RYR1: variants seen among roughly 807,000 people sequenced by gnomAD.
The protein encoded by RYR1 is central core disease of muscle.
A neutral mutation model predicts 583.5 loss-of-function variants in RYR1; 342 were observed. The observed-to-expected ratio is 0.59, with a 90% CI of 0.54 to 0.64. RYR1 has a LOEUF of 0.64. Among genes scored for constraint, RYR1 ranks in the 30% least tolerant of loss-of-function variants. The probability of loss-of-function intolerance (pLI) is 0.00; values close to 1 mark genes in which losing one functional copy is unlikely to be tolerated. For synonymous variants in RYR1, 2,791 were observed against 2,822.5 expected (o/e 0.99, Z 0.35); for missense variants, 6,032 against 6,917.2 (o/e 0.87, Z 4.54).
chr19:38,436,769 C>T (rs950037184), intron 1 of RYR1, among the ~76,000 whole-genome samples: 5 of 152,052 alleles, frequency 3.3e-5, no homozygotes, highest in South Asian at 2.1e-4. Flanking sequence ...ATGATGGGCA[C>T]GCTGTGATTT....
Position 38,525,357 on chromosome 19 carries a change from C to T in RYR1, c.10481C>T (p.Thr3494Ile). The change falls in exon 71 of 106, where the codon ACC becomes ATC. Residue 3494 changes from threonine (T) to isoleucine (I), a missense_variant. Physicochemically the swap from Thr to Ile is moderately conservative, Grantham distance 89 (BLOSUM62 -1). Around this residue, in one of 11 missense-constraint regions of RYR1, gnomAD observed 1,493 missense variants for 1,715.5 expected, o/e 0.87. Transcript: ENST00000359596. ...IQSGGSDQER[T>I]KKKRRGDRYS... ...TCCGGTGGCTCGGACCAGGAACGCA[C>T]CAAGAAGAAGCGCCGGGGGGACCGG... 1.2e-6 allele frequency: 2 copies of T among 1,613,940 alleles called. No individual in the cohort carries two copies. The highest frequency in any genetic ancestry group is 1.7e-6 in the Non-Finnish European group (2 of 1,179,958).
At position 38,500,937 on chromosome 19, in the gene RYR1, G is replaced by A. The variant is rs755128630; in HGVS notation, c.7561G>A (p.Val2521Met). 27 of 1,613,920 alleles carry A rather than the reference G, an allele frequency of 1.7e-5. No homozygotes were observed. The highest frequency in any genetic ancestry group is 1.3e-4 in the East Asian group (6 of 44,892). ...CGAGAACCAGGACTTCTTGCTGCAC[G>A]TGCTGGACGTGGGGTTCCTGCCCGA... Reference protein sequence around the residue: ...GIENQDFLLHVLDVGFLPDMR... With the variant: ...GIENQDFLLHMLDVGFLPDMR... Residue 2521 changes from valine to methionine, a missense_variant, in exon 47 of 106, where the codon GTG becomes ATG. Transcript: ENST00000359596. This position sits in a 1 kb window ranked among gnomAD's most constrained non-coding sequence, Gnocchi z 5.9.
intron 33 of RYR1, among the ~76,000 whole-genome samples, 160 bp from the exon 34 acceptor site, chr19:38,485,430 C>T (rs566333290): frequency 2.6e-5 from 4 of 152,296 alleles, no homozygotes; most frequent in African/African-American, 9.6e-5. Context: ...CATCTTCTCC[C>T]AGGATGGGTG....
chr19:38,585,194 C>A, intron 102 of RYR1, 95 bp downstream of exon 102: 2 of 1,419,550 alleles, frequency 1.4e-6, no homozygotes, highest in Non-Finnish European at 1.9e-6. Context: ...CATTCATACC[C>A]CATCTCTACC....
At chr19:38,525,198 T>G in intron 70 of RYR1, 134 bp from the exon 71 acceptor site, 1 of 974,228 alleles carries the variant, frequency 1.0e-6, no homozygotes, top group Non-Finnish European at 1.6e-6. Context: ...GGGTGGAAAT[T>G]GAGGTGTCGT....
intron 58 of RYR1, among the ~76,000 whole-genome samples, chr19:38,509,753 G>A (rs1180576450): frequency 2.0e-5 from 3 of 151,002 alleles, no homozygotes; most frequent in African/African-American, 4.8e-5. Context: ...CACTGCGCCC[G>A]GCCCAGTATT....
In RYR1 at chr19:38,572,283, C is replaced by G; in HGVS notation, c.13998+13C>G. On this transcript the variant is annotated intron_variant, in intron 95 of 105. Transcript: ENST00000359596. ...TAATTGTCTCAAGGTGGGCCCATGG[C>G]CATGGTTCTGGGGCAAGGGCTTATT... 6.9e-7 allele frequency: 1 copy of G among 1,443,666 alleles called. No homozygotes were observed. The highest frequency in any genetic ancestry group is 2.0e-4 in the Middle Eastern group (1 of 5,012). 89.4% of individuals were successfully genotyped at this position (1,443,666 alleles called of 1,614,324 possible).
intron 31 of RYR1, among the ~76,000 whole-genome samples, chr19:38,481,271 C>CA (rs763902368): frequency 6.6e-6 from 1 of 152,050 alleles, no homozygotes; most frequent in Non-Finnish European, 1.5e-5. Context: ...GGACCACAGA[C>CA]ACGCACTACC....
At position 38,499,058 on chromosome 19, in the gene RYR1, G is replaced by C; in HGVS notation, c.6892-50G>C. On this transcript the variant is annotated intron_variant, in intron 42 of 105. Coordinates refer to ENST00000359596, the MANE Select transcript of RYR1 (RefSeq NM_000540.3). The surrounding 1 kb of genome is among the most constrained non-coding windows in gnomAD (Gnocchi z 7.3). Reference sequence around the variant, plus strand: ...GGCAGGGCAGAGGGCTGAGCCCCAGGAGGAAGGTGGCATGGGTCTGGTCTC... The same window carrying C: ...GGCAGGGCAGAGGGCTGAGCCCCAGCAGGAAGGTGGCATGGGTCTGGTCTC... 6.2e-7 allele frequency: 1 copy of C among 1,608,816 alleles called. No individual in the cohort carries two copies. The highest frequency in any genetic ancestry group is 8.5e-7 in the Non-Finnish European group (1 of 1,176,914).
Position 38,515,299 on chromosome 19 carries a change from C to G in RYR1, c.9554+192C>G, listed in dbSNP as rs924811166. On this transcript the variant is annotated intron_variant, in intron 64 of 105. Transcript: ENST00000359596. Reference sequence around the variant, plus strand: ...AGGTCAGCCACGGAGGTAGAGCCGCCAGGTCTGGGGCTGTGAAGCAGGCAG... The same window carrying G: ...AGGTCAGCCACGGAGGTAGAGCCGCGAGGTCTGGGGCTGTGAAGCAGGCAG... Among the ~76,000 whole-genome samples, 4 of 152,136 alleles carry G rather than the reference C, an allele frequency of 2.6e-5. No individual in the cohort carries two copies. In the East Asian group the frequency reaches 7.7e-4, roughly 29 times the overall value.
In RYR1 at chr19:38,496,370, GCCACAGAGGGCAGGC is replaced by G; in HGVS notation, c.6664-36_6664-22del. 1 of 1,613,768 alleles carries G rather than the reference GCCACAGAGGGCAGGC, an allele frequency of 6.2e-7. No homozygotes were observed. The highest frequency in any genetic ancestry group is 1.1e-5 in the South Asian group (1 of 91,090). ...GGTGCTGGGGAGCTCAGGGGAGGCA[GCCACAGAGGGCAGGC>G]CCTGACCACCCTGCCTGTCCCAGGA... On this transcript the variant is annotated intron_variant, in intron 40 of 105. Transcript: ENST00000359596. This position sits in a 1 kb window ranked among gnomAD's most constrained non-coding sequence, Gnocchi z 4.8.
chr19:38,543,935 C>A lies in RYR1; in HGVS notation c.12012+60C>A. 6.6e-7 allele frequency: 1 copy of A among 1,507,108 alleles called. No individual in the cohort carries two copies. Among genetic ancestry groups the A allele is most frequent in the Non-Finnish European group, 9.1e-7 (1 of 1,100,462 alleles). 93.4% of individuals were successfully genotyped at this position (1,507,108 alleles called of 1,614,324 possible). A position where few individuals can be genotyped will look rare whatever the true frequency, so the allele number is the denominator to read the frequency against. ...CGGGCGTCCCCCAAGTGGTCCATTT[C>A]CAAGTCTTGCCCCTTTGGTCAGTTT... On this transcript the variant is annotated intron_variant, in intron 87 of 105. Coordinates refer to ENST00000359596, the MANE Select transcript of RYR1 (RefSeq NM_000540.3). This position sits in a 1 kb window ranked among gnomAD's most constrained non-coding sequence, Gnocchi z 4.4.
At position 38,543,747 on chromosome 19, in the gene RYR1, C is replaced by A. The variant is rs76698386; in HGVS notation, c.11908-24C>A. 4 of 1,611,692 alleles carry A rather than the reference C, an allele frequency of 2.5e-6. No individual in the cohort carries two copies. Among genetic ancestry groups the A allele is most frequent in the Admixed American group, 1.7e-5 (1 of 60,016 alleles). ...TCCCTTCTCGGGGATTCCCTTCCCC[C>A]CCACACGGCACTCTGCCTCCCAGGG... On this transcript the variant is annotated intron_variant, in intron 86 of 105. Transcript: ENST00000359596. The surrounding 1 kb of genome is among the most constrained non-coding windows in gnomAD (Gnocchi z 4.4).
chr19:38,544,721 C>T (rs1972349660), intron 87 of RYR1, among the ~76,000 whole-genome samples: 1 of 151,794 alleles, frequency 6.6e-6, no homozygotes, highest in South Asian at 2.1e-4. Context: ...TGCAATTCCT[C>T]CGTGTCACAG....
intron 87 of RYR1, among the ~76,000 whole-genome samples, 168 bp downstream of exon 87, chr19:38,544,043 A>T (rs1390049624): frequency 6.6e-6 from 1 of 152,012 alleles, no homozygotes; most frequent in East Asian, 1.9e-4. Context: ...GGCTGTCTGC[A>T]TGACCCCGCC....
chr19:38,481,191 A>T (rs1207236247), intron 31 of RYR1, among the ~76,000 whole-genome samples: 1 of 152,028 alleles, frequency 6.6e-6, no homozygotes, highest in Non-Finnish European at 1.5e-5. Context: ...CAGTGGTGCA[A>T]TCTTGGCTTA....
intron 64 of RYR1, 124 bp downstream of exon 64, chr19:38,515,231 A>C: frequency 1.2e-6 from 1 of 812,970 alleles, no homozygotes; most frequent in Non-Finnish European, 2.0e-6. Context: ...ACACGGCGGC[A>C]GCCGCGGTTC....
Position 38,561,007 on chromosome 19 carries a change from C to A in RYR1, c.12283-106C>A. 9.2e-7 allele frequency: 1 copy of A among 1,082,652 alleles called. No homozygotes were observed. The highest frequency in any genetic ancestry group is 1.3e-6 in the Non-Finnish European group (1 of 742,456). 67.1% of individuals were successfully genotyped at this position (1,082,652 alleles called of 1,614,324 possible). ...GTTGAGCTGTGATTGCGCCACTGCA[C>A]TCCAGCCTGGGCGACACAGCGAGAC... is the stretch of plus-strand genomic sequence containing the variant. On this transcript the variant is annotated intron_variant, in intron 89 of 105. Coordinates refer to ENST00000359596, the MANE Select transcript of RYR1 (RefSeq NM_000540.3). This position sits in a 1 kb window ranked among gnomAD's most constrained non-coding sequence, Gnocchi z 4.8.
intron 20 of RYR1, among the ~76,000 whole-genome samples, chr19:38,461,746 GGAGA>G (rs1055499477): frequency 6.4e-5 from 6 of 94,202 alleles, no homozygotes; most frequent in South Asian, 8.7e-4. Context: ...AAAAAGAAAG[GGAGA>G]GAGAGAGAGA....
Sources: gnomAD v4.1 joint callset for allele counts (sites outside exome capture counted in the v4.1 genomes callset) on GRCh38, gnomAD v4.1.1 for gene constraint, gnomAD v4.1.1 regional missense constraint, Gnocchi (gnomAD v3.1) non-coding constraint, MANE v1.5 for transcripts, NCBI Gene and HGNC (gene_info 2026-07-23, HGNC 2026-07-21) for gene names.